Variants in RHPN2 observed in about 807,000 individuals in gnomAD.
RHPN2 encodes rhophilin-2.
A neutral mutation model predicts 79.0 loss-of-function variants in RHPN2; 40 were observed. That is an observed-to-expected ratio of 0.51 (90% CI 0.39 to 0.66). The LOEUF (loss-of-function observed/expected upper bound fraction) is 0.66, where lower values mean the gene tolerates loss of function less well. RHPN2 is among the 30% of genes least tolerant of loss of function. The probability of loss-of-function intolerance (pLI) is 0.00; values close to 1 mark genes in which losing one functional copy is unlikely to be tolerated. For missense variants in RHPN2, 686 were observed against 883.5 expected (o/e 0.78, Z 2.83); for synonymous variants, 285 against 363.5 (o/e 0.78, Z 2.46).
chr19:33,012,240 C>T (rs1971841376), intron 5 of RHPN2, among the ~76,000 whole-genome samples: 1 of 152,002 alleles, frequency 6.6e-6, no homozygotes, highest in South Asian at 2.1e-4. Context: ...CAGGGTTTTG[C>T]CATGTTGGCC....
intron 14 of RHPN2, among the ~76,000 whole-genome samples, chr19:32,987,716 G>C (rs1459996012): frequency 1.3e-5 from 2 of 152,170 alleles, no homozygotes; most frequent in Non-Finnish European, 1.5e-5. Context: ...CCTGTGCAAT[G>C]ATTCTCAAAT....
intron 4 of RHPN2, 79 bp downstream of exon 4, chr19:33,021,492 G>T: frequency 8.6e-7 from 1 of 1,166,842 alleles, no homozygotes; most frequent in Non-Finnish European, 1.3e-6. Flanking sequence ...AAGTAACTGG[G>T]ACTACAGGCA....
At chr19:33,011,828 G>C in intron 5 of RHPN2, 25 bp from the exon 6 acceptor site, 1 of 1,613,842 alleles carries the variant, frequency 6.2e-7, no homozygotes, top group Non-Finnish European at 8.5e-7. Context: ...ACCCAAGAGG[G>C]CATGAGCAGA....
At chr19:33,012,038 CT>C (rs34140133) in intron 5 of RHPN2, among the ~76,000 whole-genome samples, 30,461 of 126,192 alleles carry the variant, frequency 0.24, 3,074 homozygotes, top group East Asian at 0.34. Flanking sequence ...GGTTTTCCTT[CT>C]TTTTTTTTTT....
chr19:32,983,481 T>C (rs1971593029), intron 14 of RHPN2, among the ~76,000 whole-genome samples: 2 of 151,044 alleles, frequency 1.3e-5, no homozygotes, highest in African/African-American at 4.9e-5. Flanking sequence ...ACTCACTGCA[T>C]TCCAGCCTGG....
At chr19:32,996,345 T>C (rs8110730) in intron 10 of RHPN2, 125 bp from the exon 11 acceptor site, 667,135 of 899,738 alleles carry the variant, frequency 0.74, 250,196 homozygotes, top group African/African-American at 0.95. Flanking sequence ...AGCTAGAGCC[T>C]GTGATACCCT....
intron 1 of RHPN2, among the ~76,000 whole-genome samples, chr19:33,063,802 C>A (rs938286735): frequency 4.4e-5 from 6 of 136,018 alleles, no homozygotes; most frequent in Admixed American, 7.0e-5. Flanking sequence ...GAGGCCGGCA[C>A]CCGCCACCCG....
chr19:32,979,453 A>G lies in RHPN2; in HGVS notation c.*543T>C, dbSNP rs2145995225. The G allele has an allele frequency of 6.5e-6, 1 of 153,296 alleles. No homozygotes were observed. Among genetic ancestry groups the G allele is most frequent in the East Asian group, 1.9e-4 (1 of 5,190 alleles). 9.5% of individuals were successfully genotyped at this position (153,296 alleles called of 1,614,324 possible). On this transcript the variant is annotated 3_prime_UTR_variant, in exon 15 of 15. Coordinates refer to ENST00000254260, the MANE Select transcript of RHPN2 (RefSeq NM_033103.5). ...GCACTAGACTTTTTCTAGAAATAGC[A>G]TTCATAGTCTATCGATATAATAGTA...
intron 2 of RHPN2, among the ~76,000 whole-genome samples, chr19:33,034,561 C>G (rs12980557): frequency 0.53 from 77,722 of 145,412 alleles, 24,680 homozygotes; most frequent in African/African-American, 0.87. Context: ...AACAGAGATC[C>G]TGCTACTGCA....
At chr19:33,029,507 C>T (rs1285628437) in intron 2 of RHPN2, among the ~76,000 whole-genome samples, 1 of 128,952 alleles carries the variant, frequency 7.8e-6, no homozygotes, top group African/African-American at 3.1e-5. Context: ...GCCTGGGCGA[C>T]AGAGCGAGAC....
chr19:33,064,674 C>T, intron 1 of RHPN2, 110 bp downstream of exon 1: 1 of 1,179,346 alleles, frequency 8.5e-7, no homozygotes. Flanking sequence ...GCCCCCTCCC[C>T]CTCCCGGCCT....
chr19:33,063,495 A>AT, intron 1 of RHPN2, among the ~76,000 whole-genome samples: 1 of 152,284 alleles, frequency 6.6e-6, no homozygotes, highest in East Asian at 1.9e-4. Flanking sequence ...CCTATTTATA[A>AT]TTATGCACTG....
At chr19:33,021,408 G>A (rs974012844) in intron 4 of RHPN2, among the ~76,000 whole-genome samples, 163 bp downstream of exon 4, 2 of 152,018 alleles carry the variant, frequency 1.3e-5, no homozygotes, top group African/African-American at 2.4e-5. Context: ...CCAGCCTGGA[G>A]TGCAGTTGTA....
At chr19:33,022,162 T>C (rs6510325) in intron 3 of RHPN2, among the ~76,000 whole-genome samples, 86,082 of 152,020 alleles carry the variant, frequency 0.57, 27,898 homozygotes, top group African/African-American at 0.88. Flanking sequence ...CCACGTTGGC[T>C]AGGCTGGTCT....
At chr19:33,058,332 G>A (rs1041175783) in intron 1 of RHPN2, among the ~76,000 whole-genome samples, 1 of 152,248 alleles carries the variant, frequency 6.6e-6, no homozygotes, top group African/African-American at 2.4e-5. Flanking sequence ...CCTGAGGAGG[G>A]GTCAGGCACT....
chr19:33,034,725 G>A (rs1160852640), intron 2 of RHPN2, among the ~76,000 whole-genome samples: 23 of 141,448 alleles, frequency 1.6e-4, no homozygotes, highest in Admixed American at 4.6e-4. Flanking sequence ...AGGCTGTGGT[G>A]AGCCAAGATC....
At chr19:33,014,950 C>A (rs563853562) in intron 4 of RHPN2, among the ~76,000 whole-genome samples, 1 of 151,812 alleles carries the variant, frequency 6.6e-6, no homozygotes, top group Admixed American at 6.6e-5. Context: ...ATTAGCCAGG[C>A]GTGCTGAGGC....
At chr19:32,983,067 C>CACACACACACAA (rs1359996753) in intron 14 of RHPN2, among the ~76,000 whole-genome samples, 1 of 144,288 alleles carries the variant, frequency 6.9e-6, no homozygotes, top group African/African-American at 2.6e-5. Context: ...CACACACACA[C>CACACACACACAA]ACACACACAC....
At chr19:33,009,847 C>T (rs1971822422) in intron 6 of RHPN2, among the ~76,000 whole-genome samples, 1 of 151,876 alleles carries the variant, frequency 6.6e-6, no homozygotes, top group Admixed American at 6.6e-5. Context: ...GGCGCCATCT[C>T]AGCTCACTGC....
Sources: allele counts gnomAD v4.1 joint callset (sites outside exome capture counted in the v4.1 genomes callset), GRCh38; gene constraint gnomAD v4.1.1; transcripts MANE v1.5; gene names NCBI Gene and HGNC (gene_info 2026-07-23, HGNC 2026-07-21).